The following OR10J1 variants were observed in gnomAD, a reference collection of about 807,000 sequenced individuals.
The protein encoded by OR10J1 is olfactory receptor family 10 subfamily J member 1, also known as olfactory receptor 10J1.
For missense variants in OR10J1, 474 were observed against 376.6 expected (o/e 1.26, Z -2.14); for synonymous variants, 202 against 143.8 (o/e 1.40, Z -2.89).
chr1:159,439,865 T>C lies in OR10J1; in HGVS notation c.74T>C (p.Ile25Thr). 6.2e-7 allele frequency: 1 copy of C among 1,614,192 alleles called. No homozygotes were observed. The highest frequency in any genetic ancestry group is 8.5e-7 in the Non-Finnish European group (1 of 1,180,018). ...TTCTCTAGCTTCCATGAGCAGCAGA[T>C]CACCCTTTTTGGCGTGTTCCTTGCA... Reference protein sequence around the residue: ...QGFSSFHEQQITLFGVFLALY... With the variant: ...QGFSSFHEQQTTLFGVFLALY... The change falls in exon 1 of 1, where the codon ATC (isoleucine) becomes ACC (threonine). Residue 25 changes from isoleucine (I) to threonine (T), a missense_variant. Ile to Thr is a moderately conservative substitution (Grantham distance 89). Transcript: ENST00000423932.
the OR10J1 span, among the ~76,000 whole-genome samples, chr1:159,428,839 T>C: frequency 6.6e-6 from 1 of 152,214 alleles, no homozygotes; most frequent in East Asian, 1.9e-4. Context: ...CTTACTTGGC[T>C]TGTCAAAGAC....
At chr1:159,438,951 T>C (rs1285636978), upstream of OR10J1, among the ~76,000 whole-genome samples, 1 of 152,178 alleles carries the variant, frequency 6.6e-6, no homozygotes, top group Non-Finnish European at 1.5e-5. Flanking sequence ...CCTGATACAA[T>C]TGTTTATCTC....
the OR10J1 span, among the ~76,000 whole-genome samples, chr1:159,426,689 A>G: frequency 5.3e-5 from 8 of 152,004 alleles, no homozygotes; most frequent in East Asian, 1.9e-4. Flanking sequence ...TCAAACCTTC[A>G]TAAAGAGAAT....
At chr1:159,423,324 ATT>A in the OR10J1 span, among the ~76,000 whole-genome samples, 1 of 152,158 alleles carries the variant, frequency 6.6e-6, no homozygotes, top group East Asian at 1.9e-4. Flanking sequence ...GACTGTGACA[ATT>A]CTCTGTGGGC....
the OR10J1 span, among the ~76,000 whole-genome samples, chr1:159,398,186 T>C: frequency 6.6e-6 from 1 of 152,186 alleles, no homozygotes; most frequent in African/African-American, 2.4e-5. Context: ...AACGGCAGCA[T>C]TATTGGGCTT....
chr1:159,410,954 G>C, the OR10J1 span, among the ~76,000 whole-genome samples: 1 of 151,928 alleles, frequency 6.6e-6, no homozygotes, highest in African/African-American at 2.4e-5. Context: ...ATTTCGTTAT[G>C]TACCCAGTAG....
Position 159,440,761 on chromosome 1 carries a change from A to T in OR10J1, c.*40A>T, listed in dbSNP as rs543693068. 7.7e-5 allele frequency: 122 copies of T among 1,578,166 alleles called. No individual in the cohort carries two copies. Among genetic ancestry groups the T allele is most frequent in the Non-Finnish European group, 1.0e-4 (116 of 1,159,912 alleles). ...TTCTCCTGAGGCTGTCAACATCCAC[A>T]CTAGGCAGGAATATGAGGTGTAAAC... On this transcript the variant is annotated 3_prime_UTR_variant, in exon 1 of 1. Coordinates refer to ENST00000423932, the MANE Select transcript of OR10J1 (RefSeq NM_012351.3).
the OR10J1 span, among the ~76,000 whole-genome samples, chr1:159,430,668 T>TGTGTGCGCGCGCGC: frequency 2.9e-5 from 2 of 69,614 alleles, no homozygotes; most frequent in African/African-American, 6.1e-5. Flanking sequence ...TGTGTGTGTG[T>TGTGTGCGCGCGCGC]GCGCGCGCGC....
chr1:159,431,252 C>G, the OR10J1 span, among the ~76,000 whole-genome samples: 1 of 152,206 alleles, frequency 6.6e-6, no homozygotes, highest in African/African-American at 2.4e-5. Context: ...CTCTCACTTC[C>G]TTATTCCAGA....
chr1:159,420,366 T>C, the OR10J1 span, among the ~76,000 whole-genome samples: 1 of 152,168 alleles, frequency 6.6e-6, no homozygotes, highest in Admixed American at 6.5e-5. Context: ...ATTTTATTAA[T>C]TGATTTCTGG....
At position 159,440,942 on chromosome 1, in the gene OR10J1, A is replaced by C; in HGVS notation, c.*221A>C. The C allele has an allele frequency of 2.1e-6, 1 of 468,774 alleles. No homozygotes were observed. Among genetic ancestry groups the C allele is most frequent in the East Asian group, 3.3e-5 (1 of 30,488 alleles). 29.0% of individuals were successfully genotyped at this position (468,774 alleles called of 1,614,324 possible). On this transcript the variant is annotated 3_prime_UTR_variant, in exon 1 of 1. Transcript: ENST00000423932. Reference sequence around the variant, plus strand: ...ATAAATAGACAAACAAGGATAAGATATGCCTAAATAAAAGGCCAGAAAGTA... The same window carrying C: ...ATAAATAGACAAACAAGGATAAGATCTGCCTAAATAAAAGGCCAGAAAGTA...
chr1:159,431,105 G>A, the OR10J1 span, among the ~76,000 whole-genome samples: 1 of 152,194 alleles, frequency 6.6e-6, no homozygotes, highest in Admixed American at 6.5e-5. Flanking sequence ...CACACGGAAC[G>A]GGGAGACTCG....
upstream of OR10J1, among the ~76,000 whole-genome samples, chr1:159,436,748 G>A (rs12145079): frequency 0.47 from 70,912 of 151,626 alleles, 19,981 homozygotes; most frequent in Middle Eastern, 0.65. Flanking sequence ...AGAGATAAGC[G>A]AGAATCACTT....
chr1:159,405,022 G>A, the OR10J1 span, among the ~76,000 whole-genome samples: 1 of 152,004 alleles, frequency 6.6e-6, no homozygotes, highest in African/African-American at 2.4e-5. Flanking sequence ...TAGCACTATC[G>A]AGGAGAAACT....
chr1:159,440,125 T>C lies in OR10J1; in HGVS notation c.334T>C (p.Cys112Arg), dbSNP rs781275785. The change falls in exon 1 of 1, where the codon TGC becomes CGC. Residue 112 changes from cysteine (C) to arginine (R), a missense_variant. Physicochemically the swap from Cys to Arg is radical, Grantham distance 180. Coordinates refer to ENST00000423932, the MANE Select transcript of OR10J1 (RefSeq NM_012351.3). The stretch of plus-strand genomic sequence containing the variant: ...TTTTGTAACCTTTGGCATCACTAAC[T>C]GCTTCCTGCTCACAGCAATGGGATA... ...FFFVTFGITN[C>R]FLLTAMGYDR... 2.7e-5 allele frequency: 44 copies of C among 1,614,044 alleles called. No homozygotes were observed. The highest frequency in any genetic ancestry group is 3.3e-5 in the Non-Finnish European group (39 of 1,180,032).
the OR10J1 span, among the ~76,000 whole-genome samples, chr1:159,428,277 T>C: frequency 1.5e-4 from 23 of 152,136 alleles, no homozygotes; most frequent in African/African-American, 5.3e-4. Context: ...TACATTTTTC[T>C]CCTTTGTCAG....
At chr1:159,399,573 A>G in the OR10J1 span, among the ~76,000 whole-genome samples, 3 of 121,020 alleles carry the variant, frequency 2.5e-5, no homozygotes, top group Admixed American at 9.6e-5. Context: ...TCTGTCTCAA[A>G]AAAAAAAAAA....
At chr1:159,425,244 A>C in the OR10J1 span, among the ~76,000 whole-genome samples, 1 of 152,106 alleles carries the variant, frequency 6.6e-6, no homozygotes, top group Non-Finnish European at 1.5e-5. Flanking sequence ...AAAATGAGGG[A>C]TCTAGGAAGC....
chr1:159,402,261 C>A, the OR10J1 span, among the ~76,000 whole-genome samples: 3 of 151,954 alleles, frequency 2.0e-5, no homozygotes, highest in Admixed American at 6.6e-5. Context: ...CTAGCTAGAG[C>A]AATCAGACAA....
Sources: allele counts gnomAD v4.1 joint callset (sites outside exome capture counted in the v4.1 genomes callset), GRCh38; gene constraint gnomAD v4.1.1; transcripts MANE v1.5; gene names NCBI Gene and HGNC (gene_info 2026-07-23, HGNC 2026-07-21).